FBXL13: variants seen among roughly 807,000 people sequenced by gnomAD.
The protein encoded by FBXL13 is F-box and leucine rich repeat protein 13, also known as F-box and leucine-rich repeat protein 13.
A neutral mutation model predicts 83.6 loss-of-function variants in FBXL13; 67 were observed. That is an observed-to-expected ratio of 0.80 (90% CI 0.66 to 0.98). The LOEUF is 0.98. Ranked by LOEUF, FBXL13 falls within the 50% of genes least tolerant of loss-of-function variation. The pLI is 0.00. For synonymous variants in FBXL13, 272 were observed against 299.5 expected (o/e 0.91, Z 0.95); for missense variants, 822 against 866.5 (o/e 0.95, Z 0.64).
intron 6 of FBXL13, among the ~76,000 whole-genome samples, chr7:103,019,197 A>G (rs899022935): frequency 6.6e-6 from 1 of 152,242 alleles, no homozygotes; most frequent in African/African-American, 2.4e-5. Flanking sequence ...CTACATGGAA[A>G]CTGAATAACC....
At chr7:103,035,201 TG>T (rs1794954956) in intron 2 of FBXL13, among the ~76,000 whole-genome samples, 1 of 152,158 alleles carries the variant, frequency 6.6e-6, no homozygotes, top group African/African-American at 2.4e-5. Flanking sequence ...AGGCAGACAT[TG>T]GGGCTCTTAG....
rs1424307933 is a variant in FBXL13, at chr7:102,958,564, T to TAAAA, written c.724+4968_724+4969insTTTT. Among the ~76,000 whole-genome samples the TAAAA allele has an allele frequency of 4.7e-3, 521 of 110,488 alleles. 5 individuals are homozygous for TAAAA. The highest frequency in any genetic ancestry group is 0.016 in the African/African-American group (513 of 31,318). 72.5% of individuals were successfully genotyped at this position (110,488 alleles called of 152,430 possible). On this transcript the variant is annotated intron_variant, in intron 8 of 19. Transcript: ENST00000313221. Reference sequence around the variant, plus strand: ...ATAATAATAATAATAATAATAATAATAATAAAACAGAGACAGAGAGAGCAA... The same window carrying TAAAA: ...ATAATAATAATAATAATAATAATAATAAAAAATAAAACAGAGACAGAGAGAGCAA...
At chr7:102,992,805 C>T (rs1160539447) in intron 6 of FBXL13, among the ~76,000 whole-genome samples, 1 of 152,150 alleles carries the variant, frequency 6.6e-6, no homozygotes, top group Non-Finnish European at 1.5e-5. Flanking sequence ...CACAGTTTTG[C>T]CATGTTGCTC....
At chr7:103,011,016 G>T (rs1257925233) in intron 6 of FBXL13, among the ~76,000 whole-genome samples, 1 of 150,868 alleles carries the variant, frequency 6.6e-6, no homozygotes, top group Non-Finnish European at 1.5e-5. Flanking sequence ...GGGCATCAAA[G>T]AAGAAAAAAG....
chr7:102,877,749 G>A (rs954616436), intron 15 of FBXL13, among the ~76,000 whole-genome samples, 156 bp from the exon 17 acceptor site: 1 of 152,136 alleles, frequency 6.6e-6, no homozygotes, highest in Admixed American at 6.5e-5. Flanking sequence ...AAAGTAATTT[G>A]ACATTACAAA....
At chr7:102,978,244 A>G (rs1827757328) in intron 6 of FBXL13, 1 of 152,136 alleles carries the variant, frequency 6.6e-6, no homozygotes, top group African/African-American at 2.4e-5. Flanking sequence ...TGCCCACGCC[A>G]CCCCCTATGT....
At chr7:102,914,220 G>A (rs368353846) in intron 10 of FBXL13, among the ~76,000 whole-genome samples, 5 of 152,208 alleles carry the variant, frequency 3.3e-5, no homozygotes, top group East Asian at 1.9e-4. Flanking sequence ...TTACAGGCGC[G>A]TGCCAACATG....
intron 2 of FBXL13, among the ~76,000 whole-genome samples, chr7:103,053,203 A>G (rs1797006020): frequency 6.6e-6 from 1 of 152,128 alleles, no homozygotes; most frequent in South Asian, 2.1e-4. Flanking sequence ...CCCAGGCTGA[A>G]GCACAGTGGC....
chr7:102,955,880 G>T (rs1013844663), intron 8 of FBXL13, among the ~76,000 whole-genome samples: 7 of 152,076 alleles, frequency 4.6e-5, no homozygotes, highest in Admixed American at 4.6e-4. Flanking sequence ...CTGAAATTGA[G>T]GCAATAATTA....
At chr7:102,925,240 CA>C (rs1817892624) in intron 10 of FBXL13, among the ~76,000 whole-genome samples, 1 of 151,802 alleles carries the variant, frequency 6.6e-6, no homozygotes, top group African/African-American at 2.4e-5. Flanking sequence ...CAGAAAAATA[CA>C]AAAACTAGCT....
intron 17 of FBXL13, among the ~76,000 whole-genome samples, chr7:102,838,273 T>C (rs114088794): frequency 0.012 from 1,850 of 152,178 alleles, 38 homozygotes; most frequent in African/African-American, 0.042. Context: ...ATATGAGGAG[T>C]AGCACCTACT....
intron 17 of FBXL13, among the ~76,000 whole-genome samples, chr7:102,853,927 T>C (rs140064303): frequency 0.2 from 29,709 of 152,152 alleles, 3,188 homozygotes; most frequent in East Asian, 0.43. Flanking sequence ...TCGGTGGGAC[T>C]GTAAACTAGT....
intron 1 of FBXL13, among the ~76,000 whole-genome samples, chr7:103,065,623 A>G (rs776775638): frequency 6.6e-5 from 10 of 152,272 alleles, no homozygotes; most frequent in African/African-American, 1.9e-4. Context: ...GTAACTACTA[A>G]GAGCAAAAGA....
chr7:102,969,499 AAAG>A (rs1216941530), intron 6 of FBXL13, among the ~76,000 whole-genome samples: 1 of 152,008 alleles, frequency 6.6e-6, no homozygotes, highest in Non-Finnish European at 1.5e-5. Flanking sequence ...AAAAAAAAGA[AAAG>A]AGAGAGAGAG....
At chr7:102,925,878 T>C (rs1354163936) in intron 10 of FBXL13, among the ~76,000 whole-genome samples, 1 of 149,906 alleles carries the variant, frequency 6.7e-6, no homozygotes, top group Non-Finnish European at 1.5e-5. Context: ...GAGGCGTAGG[T>C]TGCCATGAGC....
At chr7:103,034,393 G>A (rs1794856815) in intron 2 of FBXL13, among the ~76,000 whole-genome samples, 3 of 152,236 alleles carry the variant, frequency 2.0e-5, no homozygotes, top group African/African-American at 7.2e-5. Flanking sequence ...CTGCCCCACG[G>A]GAAGGCAGCT....
intron 6 of FBXL13, among the ~76,000 whole-genome samples, chr7:103,007,772 A>G (rs1791136439): frequency 6.6e-6 from 1 of 151,942 alleles, no homozygotes; most frequent in Non-Finnish European, 1.5e-5. Flanking sequence ...CAGTCATTAG[A>G]TTGGGCCAAG....
At chr7:102,873,655 C>T (rs371166793) in intron 16 of FBXL13, among the ~76,000 whole-genome samples, 5 of 152,218 alleles carry the variant, frequency 3.3e-5, no homozygotes, top group African/African-American at 9.7e-5. Flanking sequence ...TGTCCTTCCA[C>T]GGTCCAAAGA....
At chr7:102,919,357 GAA>G (rs1221932553) in intron 10 of FBXL13, among the ~76,000 whole-genome samples, 1 of 151,984 alleles carries the variant, frequency 6.6e-6, no homozygotes, top group African/African-American at 2.4e-5. Context: ...TGAAGGACAG[GAA>G]TAAAATCGGA....
Sources: allele counts gnomAD v4.1 joint callset (sites outside exome capture counted in the v4.1 genomes callset), GRCh38; gene constraint gnomAD v4.1.1; transcripts MANE v1.5; gene names NCBI Gene and HGNC (gene_info 2026-07-23, HGNC 2026-07-21).